The following MARCHF1 variants were observed in gnomAD, a reference collection of about 807,000 sequenced individuals.
MARCHF1 encodes the protein E3 ubiquitin-protein ligase MARCHF1.
In MARCHF1, 40 loss-of-function variants were observed where a neutral mutation model predicts 54.2. The observed-to-expected ratio is 0.74, with a 90% CI of 0.57 to 0.96. The LOEUF is 0.96. Ranked by LOEUF, MARCHF1 falls within the 40% of genes least tolerant of loss-of-function variation. The pLI, the probability that MARCHF1 is intolerant of heterozygous loss-of-function variation, is 0.00. For missense variants in MARCHF1, 586 were observed against 656.5 expected (o/e 0.89, Z 1.17); for synonymous variants, 236 against 236.3 (o/e 1.00, Z 0.01).
At chr4:163,870,862 T>C (rs1408261804) in intron 3 of MARCHF1, among the ~76,000 whole-genome samples, 1 of 152,056 alleles carries the variant, frequency 6.6e-6, no homozygotes, top group South Asian at 2.1e-4. Flanking sequence ...TTGCCAGAAG[T>C]TGGTTAATGA....
chr4:163,681,424 T>A (rs1388397633), intron 5 of MARCHF1, among the ~76,000 whole-genome samples: 2 of 152,152 alleles, frequency 1.3e-5, no homozygotes, highest in African/African-American at 2.4e-5. Context: ...GATAGTCACA[T>A]CATAGGCTGA....
At chr4:164,166,622 A>T (rs2110960285) in intron 1 of MARCHF1, among the ~76,000 whole-genome samples, 1 of 152,092 alleles carries the variant, frequency 6.6e-6, no homozygotes, top group South Asian at 2.1e-4. Context: ...ACTTCTATTT[A>T]GCATAGTACT....
rs374686432 is a variant in MARCHF1, at chr4:164,301,372, G to A, written c.-323+82498C>T. On this transcript the variant is annotated intron_variant, in intron 1 of 9. Coordinates refer to ENST00000514618, the MANE Select transcript of MARCHF1 (RefSeq NM_001394959.1). ...GTCCTACCTATTTGTTTTCTAACCT[G>A]GGTTAAAGAAGCCATCAGTTTACAC... Among the ~76,000 whole-genome samples the A allele has an allele frequency of 2.0e-4, 31 of 152,272 alleles. No homozygotes were observed. The East Asian group carries it at 5.2e-3, about 26-fold the overall frequency.
intron 1 of MARCHF1, among the ~76,000 whole-genome samples, chr4:164,270,384 T>G (rs1579677483): frequency 1.3e-5 from 2 of 152,144 alleles, no homozygotes; most frequent in South Asian, 4.1e-4. Context: ...ACTTTAAGAG[T>G]CTTCATTTAT....
chr4:163,900,938 A>G (rs1750926628), intron 3 of MARCHF1, among the ~76,000 whole-genome samples: 1 of 152,186 alleles, frequency 6.6e-6, no homozygotes, highest in South Asian at 2.1e-4. Context: ...GACATTACTA[A>G]AACTGTTGGT....
At chr4:163,870,167 A>T (rs1262736511) in intron 3 of MARCHF1, among the ~76,000 whole-genome samples, 1 of 152,122 alleles carries the variant, frequency 6.6e-6, no homozygotes, top group Non-Finnish European at 1.5e-5. Context: ...AATAATGTAA[A>T]GGAAAAAAAT....
At chr4:163,710,687 GAAAAGAAAAATAATATAGT>G (rs1444686464) in intron 4 of MARCHF1, among the ~76,000 whole-genome samples, 1 of 151,934 alleles carries the variant, frequency 6.6e-6, no homozygotes, top group East Asian at 1.9e-4. Context: ...TAATTTGGGT[GAAAAGAAAAATAATATAGT>G]AAAATGATCA....
At chr4:163,745,018 T>G (rs748420533) in intron 4 of MARCHF1, among the ~76,000 whole-genome samples, 3 of 152,084 alleles carry the variant, frequency 2.0e-5, no homozygotes, top group Non-Finnish European at 4.4e-5. Flanking sequence ...GTAGCTTACT[T>G]ATTTTAAACA....
At chr4:163,858,844 G>A (rs77435279) in intron 3 of MARCHF1, among the ~76,000 whole-genome samples, 2,954 of 152,234 alleles carry the variant, frequency 0.019, 106 homozygotes, top group African/African-American at 0.067. Context: ...AAAGACTTGG[G>A]GTTCCAATGA....
At chr4:163,622,282 C>T (rs889146552) in intron 5 of MARCHF1, among the ~76,000 whole-genome samples, 3 of 152,016 alleles carry the variant, frequency 2.0e-5, no homozygotes, top group Admixed American at 6.6e-5. Flanking sequence ...CCCGATCCAC[C>T]AGCCAGGAGC....
intron 1 of MARCHF1, among the ~76,000 whole-genome samples, chr4:164,142,460 C>T (rs62350029): frequency 5.3e-5 from 8 of 152,012 alleles, no homozygotes; most frequent in Admixed American, 1.3e-4. Flanking sequence ...TCTCCCAGCA[C>T]GCAGCTGGAG....
chr4:163,858,928 A>G (rs2111184288), intron 3 of MARCHF1, among the ~76,000 whole-genome samples: 1 of 152,270 alleles, frequency 6.6e-6, no homozygotes, highest in South Asian at 2.1e-4. Context: ...ATTGCTGTGT[A>G]CTGCAGATGT....
intron 2 of MARCHF1, among the ~76,000 whole-genome samples, chr4:164,107,454 G>A (rs1755731619): frequency 6.6e-6 from 1 of 152,058 alleles, no homozygotes; most frequent in Admixed American, 6.6e-5. Context: ...TCTGCCTCTT[G>A]GGCTCAAGCA....
intron 2 of MARCHF1, among the ~76,000 whole-genome samples, chr4:164,028,748 A>C (rs1241461524): frequency 1.3e-5 from 2 of 152,180 alleles, no homozygotes; most frequent in Non-Finnish European, 2.9e-5. Flanking sequence ...GAAAATAAAA[A>C]AAACACTTCC....
chr4:163,974,411 C>T (rs1266282384), intron 3 of MARCHF1, among the ~76,000 whole-genome samples: 2 of 152,182 alleles, frequency 1.3e-5, no homozygotes, highest in Non-Finnish European at 2.9e-5. Flanking sequence ...AGTTGGCAGT[C>T]CTACTCTTAG....
rs137876123 is a variant in MARCHF1, at chr4:164,257,304, T to A, written c.-323+126566A>T. 4.1e-3 allele frequency among the ~76,000 whole-genome samples: 617 copies of A among 152,234 alleles called. 3 individuals carry two copies. Among genetic ancestry groups the A allele is most frequent in the African/African-American group, 0.014 (569 of 41,548 alleles). On this transcript the variant is annotated intron_variant, in intron 1 of 9. Transcript: ENST00000514618. ...CCTTTAATTTTATCTTAATTTTTTTTAAAATAATTGGATAATTTTTCTTGT... is the reference window on the plus strand; with the variant it reads ...CCTTTAATTTTATCTTAATTTTTTTAAAAATAATTGGATAATTTTTCTTGT...
At chr4:163,752,221 A>C (rs978449957) in intron 4 of MARCHF1, among the ~76,000 whole-genome samples, 1 of 152,236 alleles carries the variant, frequency 6.6e-6, no homozygotes, top group African/African-American at 2.4e-5. Context: ...AATAGAAAAC[A>C]AGTATAAAAT....
At chr4:163,605,250 T>C (rs1741103660) in intron 7 of MARCHF1, among the ~76,000 whole-genome samples, 1 of 152,046 alleles carries the variant, frequency 6.6e-6, no homozygotes, top group African/African-American at 2.4e-5. Context: ...GCAAAGGATA[T>C]AAACAGACAC....
At chr4:163,610,615 C>A (rs544945133) in intron 7 of MARCHF1, among the ~76,000 whole-genome samples, 2 of 152,174 alleles carry the variant, frequency 1.3e-5, no homozygotes, top group South Asian at 4.1e-4. Flanking sequence ...GGGAAATTCT[C>A]CATTCAGACT....
Sources: gnomAD v4.1 joint callset for allele counts (sites outside exome capture counted in the v4.1 genomes callset) on GRCh38, gnomAD v4.1.1 for gene constraint, MANE v1.5 for transcripts, NCBI Gene and HGNC (gene_info 2026-07-23, HGNC 2026-07-21) for gene names.